Variants in MARF1 observed in about 807,000 individuals in gnomAD.
MARF1 encodes meiosis regulator and mRNA stability factor 1.
A neutral mutation model predicts 168.2 loss-of-function variants in MARF1; 24 were observed. The ratio of observed to expected loss-of-function variants is 0.14; its 90% confidence interval spans 0.10 to 0.20. The LOEUF (loss-of-function observed/expected upper bound fraction) is 0.20. Among genes scored for constraint, MARF1 ranks in the 10% least tolerant of loss-of-function variants. The pLI is 1.00. For synonymous variants in MARF1, 868 were observed against 822.4 expected, an observed-to-expected ratio of 1.06 and a Z score of -0.95; for missense variants, 1,744 against 2,143.6, an observed-to-expected ratio of 0.81 and a Z score of 3.68.
intron 8 of MARF1, 46 bp from the exon 9 acceptor site, chr16:15,625,219 G>A: frequency 6.2e-7 from 1 of 1,601,326 alleles, no homozygotes; most frequent in South Asian, 1.1e-5. Flanking sequence ...AAGTACCCAA[G>A]ATGTGTTAGA....
In MARF1 at chr16:15,638,234, C is replaced by T. The variant is rs1319494176; in HGVS notation, c.144+856G>A. Among the ~76,000 whole-genome samples the T allele has an allele frequency of 3.9e-5, 6 of 152,018 alleles. No homozygotes were observed. The East Asian group carries it at 1.2e-3, about 30-fold the overall frequency. ...TTATATTACAGTCTCACTTGAATCCCACATACAATAGAAAATAAGAAATAG... is the reference window on the plus strand; with the variant it reads ...TTATATTACAGTCTCACTTGAATCCTACATACAATAGAAAATAAGAAATAG... On this transcript the variant is annotated intron_variant, in intron 2 of 26. Transcript: ENST00000396368.
Position 15,639,223 on chromosome 16 carries a change from C to T in MARF1, c.11G>A (p.Gly4Glu). MME[G>E]NGTENSCSRT... ...ACTGCAGGAGTTCTCAGTTCCGTTT[C>T]CTTCCATCATACAGCCATGCAAAGT... Residue 4 changes from glycine (G) to glutamate (E), a missense_variant, in exon 2 of 27, where the codon GGA becomes GAA. Physicochemically the swap from Gly to Glu is moderately conservative, Grantham distance 98. This residue lies in a region of MARF1 where 318 missense variants were observed against 336.6 expected (regional missense o/e 0.94). Transcript: ENST00000396368. 1 of 1,613,604 alleles carries T rather than the reference C, an allele frequency of 6.2e-7. No homozygotes were observed. The highest frequency in any genetic ancestry group is 8.5e-7 in the Non-Finnish European group (1 of 1,179,838).
In MARF1 at chr16:15,596,797, A is replaced by G. The variant is rs781074190; in HGVS notation, c.5125T>C (p.Ser1709Pro). The change falls in exon 27 of 27, where the codon TCA (serine) becomes CCA (proline). Residue 1709 changes from serine (S) to proline (P), a missense_variant. By Grantham distance (74) the Ser-to-Pro change is moderately conservative. This residue lies in a region of MARF1 where 313 missense variants were observed against 337.4 expected (regional missense o/e 0.93). Transcript: ENST00000396368. ...TCCACGGGGTCCTTGCTGAGCAGTGACTCGGAGGTTTCCGAGGAGGGGCAG... is the reference window on the plus strand; with the variant it reads ...TCCACGGGGTCCTTGCTGAGCAGTGGCTCGGAGGTTTCCGAGGAGGGGCAG... Reference protein sequence around the residue: ...PPCPSSETSESLLSKDPVESP... With the variant: ...PPCPSSETSEPLLSKDPVESP... The G allele has an allele frequency of 1.2e-6, 2 of 1,614,080 alleles. No individual in the cohort carries two copies. The highest frequency in any genetic ancestry group is 2.2e-5 in the East Asian group (1 of 44,878).
intron 3 of MARF1, 127 bp from the exon 4 acceptor site, chr16:15,635,058 A>C (rs12935744): frequency 4.2e-6 from 3 of 717,962 alleles, no homozygotes; most frequent in Non-Finnish European, 4.5e-6. Flanking sequence ...TCTAATAAAA[A>C]GGACTTTCAA....
At chr16:15,642,815 G>A (rs889740365) in intron 1 of MARF1, among the ~76,000 whole-genome samples, 1 of 152,210 alleles carries the variant, frequency 6.6e-6, no homozygotes, top group Non-Finnish European at 1.5e-5. Flanking sequence ...AACAGTGACA[G>A]TAGTGAATGG....
chr16:15,630,702 CAT>C (rs1379566881), intron 6 of MARF1, among the ~76,000 whole-genome samples, 198 bp from the exon 7 acceptor site: 1 of 151,068 alleles, frequency 6.6e-6, no homozygotes, highest in Admixed American at 6.6e-5. Flanking sequence ...TTCCAAGACA[CAT>C]ATGTTACTTT....
Position 15,621,757 on chromosome 16 carries a change from G to C in MARF1, c.2615C>G (p.Ala872Gly). The part of the protein sequence containing the change: ...KILVSLATGA[A>G]SKSLSLLSAE... ...CCTCAGTAAAGAGAGTGATTTGCTG[G>C]CAGCCCCGGTGGCAAGTGAGACCAG... Residue 872 changes from alanine (A) to glycine (G), a missense_variant, in exon 12 of 27, where the codon GCC becomes GGC. By Grantham distance (60) the Ala-to-Gly change is moderately conservative. Around this residue, in one of 7 missense-constraint regions of MARF1, gnomAD observed 543 missense variants for 742.1 expected, o/e 0.73. Coordinates refer to ENST00000396368, the MANE Select transcript of MARF1 (RefSeq NM_014647.4). 4 of 1,613,990 alleles carry C rather than the reference G, an allele frequency of 2.5e-6. No homozygotes were observed. Among genetic ancestry groups the C allele is most frequent in the Non-Finnish European group, 3.4e-6 (4 of 1,179,954 alleles).
intron 1 of MARF1, among the ~76,000 whole-genome samples, chr16:15,640,215 G>A (rs1208826397): frequency 3.3e-5 from 5 of 152,146 alleles, no homozygotes; most frequent in Non-Finnish European, 7.3e-5. Context: ...CTTGATCTGA[G>A]CATGAAAAGT....
Position 15,611,838 on chromosome 16 carries a change from TTATG to T in MARF1, c.3475-108_3475-105del. The T allele has an allele frequency of 3.4e-6, 3 of 892,558 alleles. No homozygotes were observed. In the South Asian group the frequency reaches 5.4e-5, roughly 16 times the overall value. The allele number at this position is 892,558 out of a possible 1,614,324, so 55.3% of individuals were successfully genotyped here. ...TACTAGCCTCAGAGCATGACTCCCTTTATGTAGAATGTGTGCAATTTGAAACACA... is the reference window on the plus strand; with the variant it reads ...TACTAGCCTCAGAGCATGACTCCCTTTAGAATGTGTGCAATTTGAAACACA... On this transcript the variant is annotated intron_variant, in intron 17 of 26. Transcript: ENST00000396368.
In MARF1 at chr16:15,595,361, A is replaced by G. The variant is rs1359613677; in HGVS notation, c.*1332T>C. On this transcript the variant is annotated 3_prime_UTR_variant, in exon 27 of 27. Transcript: ENST00000396368. ...TCTGGCTTTCTAGAAGTTACCAAATATAAACATTTCCCCAAAAGAAACCAT... is the reference window on the plus strand; with the variant it reads ...TCTGGCTTTCTAGAAGTTACCAAATGTAAACATTTCCCCAAAAGAAACCAT... 6.6e-6 allele frequency: 1 copy of G among 152,648 alleles called. No homozygotes were observed. The highest frequency in any genetic ancestry group is 1.5e-5 in the Non-Finnish European group (1 of 68,034). 9.5% of individuals were successfully genotyped at this position (152,648 alleles called of 1,614,324 possible). A position where few individuals can be genotyped will look rare whatever the true frequency, so the allele number is the denominator to read the frequency against.
intron 7 of MARF1, 143 bp downstream of exon 7, chr16:15,630,189 T>C (rs1358677014): frequency 1.2e-5 from 7 of 592,950 alleles, no homozygotes; most frequent in Non-Finnish European, 2.0e-5. Context: ...GAACCGAAGG[T>C]TTCTAAGCCT....
chr16:15,610,938 T>TC (rs779992850), intron 19 of MARF1, 37 bp downstream of exon 19: 1 of 1,599,288 alleles, frequency 6.3e-7, no homozygotes, highest in South Asian at 1.1e-5. Context: ...TAACAGGAGA[T>TC]AGACAATATC....
chr16:15,602,009 G>A lies in MARF1; in HGVS notation c.4608C>T (p.Leu1536=), dbSNP rs770662256. 2 of 1,614,032 alleles carry A rather than the reference G, an allele frequency of 1.2e-6. No homozygotes were observed. Among genetic ancestry groups the A allele is most frequent in the Non-Finnish European group, 1.7e-6 (2 of 1,179,892 alleles). Residue 1536 remains leucine (L), a synonymous_variant, in exon 23 of 27, where the codon CTC becomes CTT. Transcript: ENST00000396368. ...TGCCCACCTGTGGAATTGCTCCCAA[G>A]AGCTCCTCCACGCTGCTGTGGCCGT... ...KTYGHSSVEE[L]LGAIPQVVWI... is the part of the protein sequence containing the mutation.
intron 11 of MARF1, among the ~76,000 whole-genome samples, chr16:15,622,515 C>T (rs2034535889): frequency 6.6e-6 from 1 of 152,062 alleles, no homozygotes; most frequent in African/African-American, 2.4e-5. Flanking sequence ...CCTTAGCCTC[C>T]TAAGGAGCTG....
At chr16:15,608,602 A>T in intron 20 of MARF1, 84 bp from the exon 21 acceptor site, 1 of 980,454 alleles carries the variant, frequency 1.0e-6, no homozygotes. Flanking sequence ...TGCAGCTAGT[A>T]ATGAAAAAAC....
At chr16:15,627,834 A>G (rs1316174441) in intron 7 of MARF1, among the ~76,000 whole-genome samples, 2 of 152,204 alleles carry the variant, frequency 1.3e-5, no homozygotes, top group African/African-American at 2.4e-5. Flanking sequence ...CAATTATAAG[A>G]TGATGCTGTT....
At position 15,643,124 on chromosome 16, in the gene MARF1, C is replaced by A; in HGVS notation, c.-165G>T. 3.6e-6 allele frequency: 1 copy of A among 278,170 alleles called. No homozygotes were observed. Among genetic ancestry groups the A allele is most frequent in the South Asian group, 2.7e-5 (1 of 36,452 alleles). 17.2% of individuals were successfully genotyped at this position (278,170 alleles called of 1,614,324 possible). On this transcript the variant is annotated 5_prime_UTR_variant, in exon 1 of 27. Coordinates refer to ENST00000396368, the MANE Select transcript of MARF1 (RefSeq NM_014647.4). ...CCGACTCCGCAGCTCCCGCCGCCGC[C>A]GCCAAGCGCACCCTTCACTTCCGCT...
At chr16:15,621,600 C>G (rs1596476457) in intron 12 of MARF1, 133 bp downstream of exon 12, 1 of 866,922 alleles carries the variant, frequency 1.2e-6, no homozygotes, top group Non-Finnish European at 1.8e-6. Flanking sequence ...CTGTATCAAT[C>G]TAGAATAAGC....
chr16:15,600,136 T>G (rs1487704901), intron 25 of MARF1, among the ~76,000 whole-genome samples: 4 of 152,140 alleles, frequency 2.6e-5, no homozygotes, highest in Admixed American at 1.3e-4. Context: ...TCCATTATAA[T>G]AAGTGTCGGA....
Sources: gnomAD v4.1 joint callset for allele counts (sites outside exome capture counted in the v4.1 genomes callset) on GRCh38, gnomAD v4.1.1 for gene constraint, gnomAD v4.1.1 regional missense constraint, MANE v1.5 for transcripts, NCBI Gene and HGNC (gene_info 2026-07-23, HGNC 2026-07-21) for gene names.